SGSM2: variants seen among roughly 807,000 people sequenced by gnomAD.
The protein encoded by SGSM2 is RUN and TBC1 domain containing 1.
In SGSM2, 89 loss-of-function variants were observed where a neutral mutation model predicts 126.6. That is an observed-to-expected ratio of 0.70 (90% CI 0.59 to 0.84). The LOEUF (loss-of-function observed/expected upper bound fraction) is 0.84, where lower values mean the gene tolerates loss of function less well. SGSM2 is among the 40% of genes least tolerant of loss of function. The pLI, the probability that SGSM2 is intolerant of heterozygous loss-of-function variation, is 0.00. For missense variants in SGSM2, 1,404 were observed against 1,416.6 expected, an observed-to-expected ratio of 0.99 and a Z score of 0.14; for synonymous variants, 614 against 574.3, an observed-to-expected ratio of 1.07 and a Z score of -0.99.
intron 2 of SGSM2, among the ~76,000 whole-genome samples, chr17:2,357,114 A>G (rs1460248360): frequency 3.3e-5 from 5 of 152,222 alleles, no homozygotes; most frequent in African/African-American, 1.2e-4. Flanking sequence ...TTGAGGTCAC[A>G]TCGGGGCTGG....
rs142859654 is a variant in SGSM2 at position 2,380,900 on chromosome 17, T to A, written c.*1380T>A. ...CAGACCACCCCATTGTCCATCCTTG[T>A]TGTCCGTGAGTCCTTGGCCTCCACC... is the stretch of plus-strand genomic sequence containing the variant. On this transcript the variant is annotated 3_prime_UTR_variant, in exon 24 of 24. Transcript: ENST00000268989. 1 of 157,884 alleles carries A rather than the reference T, an allele frequency of 6.3e-6. No homozygotes were observed. Among genetic ancestry groups the A allele is most frequent in the Non-Finnish European group, 1.4e-5 (1 of 71,904 alleles). 9.8% of individuals were successfully genotyped at this position (157,884 alleles called of 1,614,324 possible).
At chr17:2,368,050 G>A (rs973557823) in intron 12 of SGSM2, among the ~76,000 whole-genome samples, 9 of 152,204 alleles carry the variant, frequency 5.9e-5, no homozygotes, top group South Asian at 2.1e-4. Context: ...CCCCAGATAT[G>A]CCCCTGGTTC....
rs772632437 is a variant in SGSM2, at chr17:2,376,805, C to T, written c.2682C>T (p.Thr894=). Reference sequence around the variant, plus strand: ...ATCTGCTGGCGCCTCTCCTGGTCACCCTCGACAATGGTGAGGGATGGCGGG... The same window carrying T: ...ATCTGCTGGCGCCTCTCCTGGTCACTCTCGACAATGGTGAGGGATGGCGGG... ...MCDLLAPLLV[T]LDNDQLAYSC... Residue 894 remains threonine, a synonymous_variant, in exon 20 of 24, where the codon ACC becomes ACT. Transcript: ENST00000268989. 6.8e-6 allele frequency: 11 copies of T among 1,614,080 alleles called. No individual in the cohort carries two copies. The highest frequency in any genetic ancestry group is 9.3e-6 in the Non-Finnish European group (11 of 1,180,020).
intron 2 of SGSM2, among the ~76,000 whole-genome samples, chr17:2,354,014 C>G (rs1463358505): frequency 6.6e-5 from 10 of 151,976 alleles, no homozygotes; most frequent in African/African-American, 9.7e-5. Flanking sequence ...CTCAAGCAAT[C>G]CTCCCACCTC....
chr17:2,373,278 G>C (rs1475123253), intron 16 of SGSM2, 53 bp from the exon 17 acceptor site: 62 of 1,583,262 alleles, frequency 3.9e-5, no homozygotes, highest in Non-Finnish European at 4.9e-5. Context: ...AGCTCCTGAA[G>C]GGGAGGGCCT....
At chr17:2,364,424 GT>G in intron 8 of SGSM2, 171 bp from the exon 9 acceptor site, 1 of 817,726 alleles carries the variant, frequency 1.2e-6, no homozygotes, top group Non-Finnish European at 2.0e-6. Flanking sequence ...AGCTGTCCAT[GT>G]GCCGAGCGGG....
chr17:2,370,406 C>T (rs2065812932), intron 12 of SGSM2, among the ~76,000 whole-genome samples: 1 of 151,150 alleles, frequency 6.6e-6, no homozygotes, highest in Admixed American at 6.6e-5. Flanking sequence ...GCTGGGCAGG[C>T]CCTGTCGCTG....
rs2065387888 is a variant in SGSM2, at chr17:2,363,018, C to T, written c.556C>T (p.Leu186Phe). The change falls in exon 6 of 24, where the codon CTC becomes TTC. Residue 186 changes from leucine to phenylalanine, a missense_variant. Physicochemically the swap from Leu to Phe is conservative, Grantham distance 22 (BLOSUM62 0). Transcript: ENST00000268989. The surrounding 1 kb of genome is among the most constrained non-coding windows in gnomAD (Gnocchi z 4.2). ...VGPCALEYTK[L>F]KTADHYWTDP... Reference sequence around the variant, plus strand: ...ACCCTGTGCCTTGGAATACACTAAGCTCAAGACAGCCGATCACTACTGGAC... The same window carrying T: ...ACCCTGTGCCTTGGAATACACTAAGTTCAAGACAGCCGATCACTACTGGAC... The T allele has an allele frequency of 6.2e-7, 1 of 1,614,038 alleles. No individual in the cohort carries two copies.
chr17:2,374,820 A>G (rs1335872724), intron 17 of SGSM2, among the ~76,000 whole-genome samples: 3 of 152,204 alleles, frequency 2.0e-5, no homozygotes, highest in Non-Finnish European at 2.9e-5. Flanking sequence ...TGCCCAAAGT[A>G]GAAACTACTT....
At position 2,342,838 on chromosome 17, in the gene SGSM2, G is replaced by A. The variant is rs868410346; in HGVS notation, c.58-707G>A. ...CTAAAAATACAAAAATTAGCAGGGC[G>A]TGGTGGCATGCACCTGTTGTCCCAG... On this transcript the variant is annotated intron_variant, in intron 1 of 23. Transcript: ENST00000268989. Among the ~76,000 whole-genome samples the A allele has an allele frequency of 5.3e-5, 8 of 152,130 alleles. No individual in the cohort carries two copies. In the South Asian group the frequency reaches 1.7e-3, roughly 32 times the overall value.
At chr17:2,371,464 C>G (rs373940293) in intron 13 of SGSM2, 49 bp downstream of exon 13, 80 of 1,540,012 alleles carry the variant, frequency 5.2e-5, no homozygotes, top group Non-Finnish European at 6.4e-5. Flanking sequence ...TGTCCAGCCA[C>G]GTGTGTGTCC....
rs751122987 is a variant in SGSM2, at chr17:2,363,569, C to T, written c.777C>T (p.Leu259=). The change falls in exon 7 of 24, where the codon CTC becomes CTT. Residue 259 remains leucine, a synonymous_variant. Transcript: ENST00000268989. This position sits in a 1 kb window ranked among gnomAD's most constrained non-coding sequence, Gnocchi z 4.2. ...ACCAGAACTCACGGACGCGGCTGCT[C>T]TATGGCAAGAACCACGTGCTGGTGC... ...SLHQNSRTRL[L]YGKNHVLVQP... 3.1e-6 allele frequency: 5 copies of T among 1,613,262 alleles called. No homozygotes were observed. Among genetic ancestry groups the T allele is most frequent in the Non-Finnish European group, 4.2e-6 (5 of 1,179,926 alleles).
At position 2,362,096 on chromosome 17, in the gene SGSM2, C is replaced by T. The variant is rs1395638984; in HGVS notation, c.297-13C>T. The T allele has an allele frequency of 1.9e-6, 3 of 1,607,590 alleles. No individual in the cohort carries two copies. The African/African-American group carries it at 4.0e-5, about 22-fold the overall frequency. On this transcript the variant is annotated splice_polypyrimidine_tract_variant and intron_variant, in intron 3 of 23. Transcript: ENST00000268989. This position sits in a 1 kb window ranked among gnomAD's most constrained non-coding sequence, Gnocchi z 4.9. Reference sequence around the variant, plus strand: ...AGACCACTGCACTCCTGGAGCCCTCCCCGCCTTTGCAGGAAACCCTCAGGG... The same window carrying T: ...AGACCACTGCACTCCTGGAGCCCTCTCCGCCTTTGCAGGAAACCCTCAGGG...
chr17:2,351,699 A>G (rs144290217), intron 2 of SGSM2, among the ~76,000 whole-genome samples: 3 of 152,280 alleles, frequency 2.0e-5, no homozygotes, highest in African/African-American at 7.2e-5. Flanking sequence ...CTGGGTCTGC[A>G]GGTCTACGCA....
In SGSM2 at chr17:2,373,434, GCAC is replaced by G. The variant is rs774630784; in HGVS notation, c.2024_2026del (p.Thr675del). On this transcript the variant is annotated inframe_deletion, in exon 17 of 24. Transcript: ENST00000268989. Reference sequence around the variant, plus strand: ...GAGCGGGAGGCCCACCCAGCCACACGCACCAAGTTCTCCTCAGGCAGCAGCATC... The same window carrying G: ...GAGCGGGAGGCCCACCCAGCCACACGCAAGTTCTCCTCAGGCAGCAGCATC... 7.4e-6 allele frequency: 12 copies of G among 1,611,048 alleles called. No homozygotes were observed. The highest frequency in any genetic ancestry group is 1.0e-5 in the Non-Finnish European group (12 of 1,179,978).
chr17:2,363,702 A>G lies in SGSM2; in HGVS notation c.807+103A>G. The stretch of plus-strand genomic sequence containing the variant: ...CCTTTCCTGAGGAGCTTGACCAGAG[A>G]CGGGGGGGAGAATGGCCCCAGCCTC... On this transcript the variant is annotated intron_variant, in intron 7 of 23. Coordinates refer to ENST00000268989, the MANE Select transcript of SGSM2 (RefSeq NM_014853.3). This position sits in a 1 kb window ranked among gnomAD's most constrained non-coding sequence, Gnocchi z 4.2. The G allele has an allele frequency of 2.7e-6, 4 of 1,483,808 alleles. No individual in the cohort carries two copies. Among genetic ancestry groups the G allele is most frequent in the Non-Finnish European group, 3.6e-6 (4 of 1,100,870 alleles). 91.9% of individuals were successfully genotyped at this position (1,483,808 alleles called of 1,614,324 possible). A position where few individuals can be genotyped will look rare whatever the true frequency, so the allele number is the denominator to read the frequency against.
chr17:2,339,136 C>T (rs2151458217), intron 1 of SGSM2, among the ~76,000 whole-genome samples: 1 of 151,530 alleles, frequency 6.6e-6, no homozygotes, highest in African/African-American at 2.4e-5. Context: ...CTCATAACAT[C>T]CTGGAAAGTG....
Position 2,363,992 on chromosome 17 carries a change from T to A in SGSM2, c.808-67T>A, listed in dbSNP as rs2065440407. The A allele has an allele frequency of 6.2e-7, 1 of 1,606,390 alleles. No homozygotes were observed. The highest frequency in any genetic ancestry group is 8.5e-7 in the Non-Finnish European group (1 of 1,174,196). On this transcript the variant is annotated intron_variant, in intron 7 of 23. Coordinates refer to ENST00000268989, the MANE Select transcript of SGSM2 (RefSeq NM_014853.3). This position sits in a 1 kb window ranked among gnomAD's most constrained non-coding sequence, Gnocchi z 4.2. The stretch of plus-strand genomic sequence containing the variant: ...CCCCTCCTCCCAGCGGGAGCTCATT[T>A]CTCATAGGCCATCCCTGAGAGCCTC...
At chr17:2,339,378 T>C (rs1484360794) in intron 1 of SGSM2, among the ~76,000 whole-genome samples, 1 of 151,978 alleles carries the variant, frequency 6.6e-6, no homozygotes, top group Non-Finnish European at 1.5e-5. Context: ...GTGGTTGCAG[T>C]GAGCCAAGAT....
Sources: allele counts gnomAD v4.1 joint callset (sites outside exome capture counted in the v4.1 genomes callset), GRCh38; gene constraint gnomAD v4.1.1; non-coding constraint Gnocchi (gnomAD v3.1); transcripts MANE v1.5; gene names NCBI Gene and HGNC (gene_info 2026-07-23, HGNC 2026-07-21).